Variants in PALM2AKAP2 observed in about 807,000 individuals in gnomAD.
PALM2AKAP2 encodes PALM2-AKAP2 fusion protein.
In PALM2AKAP2, 37 loss-of-function variants were observed where a neutral mutation model predicts 71.5. The ratio of observed to expected loss-of-function variants is 0.52; its 90% CI spans 0.40 to 0.68. PALM2AKAP2 has a LOEUF of 0.68. Ranked by LOEUF, PALM2AKAP2 falls within the 30% of genes least tolerant of loss-of-function variation. The pLI, the probability that PALM2AKAP2 is intolerant of heterozygous loss-of-function variation, is 0.00. For synonymous variants in PALM2AKAP2, 468 were observed against 478.8 expected, an observed-to-expected ratio of 0.98 and a Z score of 0.29; for missense variants, 1,224 against 1,191.8, an observed-to-expected ratio of 1.03 and a Z score of -0.40.
chr9:110,011,014 A>AAAATATAT lies in PALM2AKAP2; in HGVS notation c.497-4939_497-4938insAATATATA, dbSNP rs35212981. Among the ~76,000 whole-genome samples, 233 of 69,538 alleles carry AAAATATAT rather than the reference A, an allele frequency of 3.4e-3. 4 individuals carry two copies. Among genetic ancestry groups the AAAATATAT allele is most frequent in the African/African-American group, 0.012 (154 of 12,758 alleles). 45.6% of individuals were successfully genotyped at this position (69,538 alleles called of 152,430 possible). A position where few individuals can be genotyped will look rare whatever the true frequency, so the allele number is the denominator to read the frequency against. ...TCTGTCTCAAAAAAAAAAAAAAAAAAATATATATATATATATATATATACT... is the reference window on the plus strand; with the variant it reads ...TCTGTCTCAAAAAAAAAAAAAAAAAAAAATATATATATATATATATATATATATATACT... On this transcript the variant is annotated intron_variant, in intron 6 of 9. Transcript: ENST00000302798.
chr9:110,148,186 CT>C (rs1371930153), intron 2 of PALM2AKAP2, among the ~76,000 whole-genome samples: 2 of 152,076 alleles, frequency 1.3e-5, no homozygotes, highest in Admixed American at 1.3e-4. Flanking sequence ...TTTTAATTAA[CT>C]TTTTTCCTTT....
chr9:110,164,372 T>C (rs532803181), intron 3 of PALM2AKAP2, among the ~76,000 whole-genome samples: 8 of 152,306 alleles, frequency 5.3e-5, no homozygotes, highest in Admixed American at 1.3e-4. Context: ...TCTATATTGA[T>C]TGCTTTCAAA....
chr9:109,973,809 C>A (rs1460170456), intron 6 of PALM2AKAP2, among the ~76,000 whole-genome samples: 1 of 152,132 alleles, frequency 6.6e-6, no homozygotes, highest in African/African-American at 2.4e-5. Context: ...CAAGATGTAG[C>A]CAGTAATAAG....
intron 1 of PALM2AKAP2, among the ~76,000 whole-genome samples, chr9:110,091,723 A>G (rs1834720152): frequency 6.6e-6 from 1 of 151,910 alleles, no homozygotes; most frequent in African/African-American, 2.4e-5. Context: ...TGGCCTCCCA[A>G]AGTGCCGGGA....
At chr9:109,874,746 T>C (rs1829681598) in intron 2 of PALM2AKAP2, among the ~76,000 whole-genome samples, 1 of 152,234 alleles carries the variant, frequency 6.6e-6, no homozygotes, top group Non-Finnish European at 1.5e-5. Flanking sequence ...TGTTCTACTC[T>C]TCCCTGTCTC....
chr9:109,676,536 T>C (rs1318128745), intron 1 of PALM2AKAP2, among the ~76,000 whole-genome samples: 1 of 152,144 alleles, frequency 6.6e-6, no homozygotes, highest in Non-Finnish European at 1.5e-5. Flanking sequence ...TAGAATCAGG[T>C]GAAATTATTG....
At chr9:109,990,073 T>C (rs1373392082) in intron 6 of PALM2AKAP2, among the ~76,000 whole-genome samples, 1 of 150,316 alleles carries the variant, frequency 6.7e-6, no homozygotes, top group Non-Finnish European at 1.5e-5. Context: ...CTTTCTTTTT[T>C]TTTTTTTTTT....
chr9:109,808,006 G>A (rs148775889), intron 1 of PALM2AKAP2, among the ~76,000 whole-genome samples: 2,292 of 152,250 alleles, frequency 0.015, 27 homozygotes, highest in Middle Eastern at 0.061. Context: ...TGAGGCCTCC[G>A]CAGCCATATG....
intron 1 of PALM2AKAP2, among the ~76,000 whole-genome samples, chr9:109,787,161 G>T (rs114756446): frequency 2.0e-5 from 3 of 152,150 alleles, no homozygotes; most frequent in Non-Finnish European, 4.4e-5. Context: ...TGGCCTTTCC[G>T]TTGGTATCTG....
intron 6 of PALM2AKAP2, among the ~76,000 whole-genome samples, chr9:109,981,019 A>G (rs1010369323): frequency 6.6e-6 from 1 of 152,180 alleles, no homozygotes; most frequent in Non-Finnish European, 1.5e-5. Context: ...CCTACCTCAT[A>G]AGAGTTGTTA....
At chr9:109,717,251 AT>A (rs1305818493) in intron 1 of PALM2AKAP2, among the ~76,000 whole-genome samples, 17 of 152,150 alleles carry the variant, frequency 1.1e-4, no homozygotes, top group African/African-American at 4.1e-4. Context: ...CACTCTAAGG[AT>A]CCTTCTAGGG....
chr9:110,055,806 C>T (rs778947938), intron 1 of PALM2AKAP2, among the ~76,000 whole-genome samples: 13 of 152,078 alleles, frequency 8.5e-5, no homozygotes, highest in African/African-American at 1.9e-4. Flanking sequence ...TGTAGGGTTT[C>T]GAAGATAATT....
chr9:109,671,262 T>C (rs1827567323), intron 1 of PALM2AKAP2, among the ~76,000 whole-genome samples: 1 of 152,232 alleles, frequency 6.6e-6, no homozygotes, highest in Non-Finnish European at 1.5e-5. Context: ...CTTTAATCCA[T>C]CTTGAGTTAA....
At chr9:109,683,284 G>A (rs1470519809) in intron 1 of PALM2AKAP2, among the ~76,000 whole-genome samples, 1 of 152,114 alleles carries the variant, frequency 6.6e-6, no homozygotes, top group African/African-American at 2.4e-5. Flanking sequence ...AACATAGCAA[G>A]AATGGATTAA....
intron 1 of PALM2AKAP2, among the ~76,000 whole-genome samples, chr9:109,761,927 T>C (rs59805576): frequency 0.12 from 17,613 of 151,094 alleles, 1,491 homozygotes; most frequent in African/African-American, 0.24. Context: ...TCAACAAACA[T>C]ATGAAAAAAA....
chr9:110,011,006 A>ATATATAT (rs1454209302), intron 6 of PALM2AKAP2, among the ~76,000 whole-genome samples: 9 of 94,180 alleles, frequency 9.6e-5, no homozygotes, highest in African/African-American at 4.5e-4. Flanking sequence ...CAAAAAAAAA[A>ATATATAT]AAAAAAAAAT....
chr9:110,007,696 C>T (rs1203641241), intron 6 of PALM2AKAP2, among the ~76,000 whole-genome samples: 1 of 152,128 alleles, frequency 6.6e-6, no homozygotes, highest in Non-Finnish European at 1.5e-5. Flanking sequence ...GGAACTTTCC[C>T]TTTCACCCTG....
chr9:109,811,503 A>G lies in PALM2AKAP2; in HGVS notation c.45+30970A>G. Among the ~76,000 whole-genome samples the G allele has an allele frequency of 2.0e-5, 3 of 152,284 alleles. No homozygotes were observed. The Middle Eastern group carries it at 0.01, about 518-fold the overall frequency. The stretch of plus-strand genomic sequence containing the variant: ...GTTAGTATGTTAAAAAAAATAGTAC[A>G]TTTTTATATGTTAAATATCCTATAT... On this transcript the variant is annotated intron_variant, in intron 1 of 9. Coordinates refer to the PALM2AKAP2 transcript ENST00000302798.
Position 110,136,330 on chromosome 9 carries a change from A to AC in PALM2AKAP2, c.365dup (p.His123AlafsTer2), listed in dbSNP as rs1835864773. 2.5e-6 allele frequency: 4 copies of AC among 1,613,790 alleles called. No homozygotes were observed. Among genetic ancestry groups the AC allele is most frequent in the East Asian group, 2.2e-5 (1 of 44,864 alleles). On this transcript the variant is annotated frameshift_variant, in exon 2 of 4. Coordinates refer to ENST00000374525, the Ensembl canonical transcript of PALM2AKAP2. LOFTEE classifies it high-confidence loss of function. Reference sequence around the variant, plus strand: ...TGGACCATCCCTCCGCTTTCTATTCACCCCCGCATAATGGCCTCCTTACTG... The same window carrying AC: ...TGGACCATCCCTCCGCTTTCTATTCACCCCCCGCATAATGGCCTCCTTACTG...
Sources: gnomAD v4.1 joint callset for allele counts (sites outside exome capture counted in the v4.1 genomes callset) on GRCh38, gnomAD v4.1.1 for gene constraint, MANE v1.5 for transcripts, NCBI Gene and HGNC (gene_info 2026-07-23, HGNC 2026-07-21) for gene names.